Variants in ZYG11B observed in about 807,000 individuals in gnomAD.
ZYG11B encodes the protein zyg-11 family member B, cell cycle regulator.
In ZYG11B, 36 loss-of-function variants were observed where a neutral mutation model predicts 82.4. The observed-to-expected ratio is 0.44, with a 90% confidence interval of 0.33 to 0.58. The LOEUF is 0.58. ZYG11B is among the 20% of genes least tolerant of loss of function. The pLI is 0.02. For missense variants in ZYG11B, 552 were observed against 895.6 expected, an observed-to-expected ratio of 0.62 and a Z score of 4.90; for synonymous variants, 303 against 312.8, an observed-to-expected ratio of 0.97 and a Z score of 0.33.
chr1:52,774,609 A>ATTTTTTTTTTTTTTTTTTTT (rs35043109), intron 3 of ZYG11B, among the ~76,000 whole-genome samples: 3 of 111,148 alleles, frequency 2.7e-5, no homozygotes, highest in African/African-American at 4.9e-5. Flanking sequence ...GCCTGGCCTA[A>ATTTTTTTTTTTTTTTTTTTT]TTTTTTTTTT....
chr1:52,784,908 T>C lies in ZYG11B; in HGVS notation c.1124T>C (p.Met375Thr), dbSNP rs1571777178. The C allele has an allele frequency of 1.2e-6, 2 of 1,613,866 alleles. No individual in the cohort carries two copies. The highest frequency in any genetic ancestry group is 1.7e-6 in the Non-Finnish European group (2 of 1,179,944). ...GTTACTGGGATGAGAAACCACCCTATGAATTTGCCAGTGCAACTGGCTGCA... is the reference window on the plus strand; with the variant it reads ...GTTACTGGGATGAGAAACCACCCTACGAATTTGCCAGTGCAACTGGCTGCA... ...LVVTGMRNHP[M>T]NLPVQLAASA... is the part of the protein sequence containing the mutation. Residue 375 changes from methionine (M) to threonine (T), a missense_variant, in exon 5 of 14, where the codon ATG becomes ACG. Met to Thr is a moderately conservative substitution (Grantham distance 81). Coordinates refer to ENST00000294353, the MANE Select transcript of ZYG11B (RefSeq NM_024646.3).
At chr1:52,761,257 C>G (rs1330298739) in intron 2 of ZYG11B, among the ~76,000 whole-genome samples, 1 of 152,162 alleles carries the variant, frequency 6.6e-6, no homozygotes, top group Non-Finnish European at 1.5e-5. Context: ...CTGTAGTCAT[C>G]ATACAGTGTG....
chr1:52,758,328 T>C (rs904182764), intron 2 of ZYG11B, among the ~76,000 whole-genome samples: 5 of 152,204 alleles, frequency 3.3e-5, no homozygotes, highest in African/African-American at 4.8e-5. Flanking sequence ...TGTCATTTAT[T>C]GAATGCCTAT....
Position 52,776,229 on chromosome 1 carries a change from A to AAAATATAT in ZYG11B, c.952-3623_952-3622insAATATATA. ...AGCAAAACTCTGTCTTAAAAAAAAA[A>AAAATATAT]ATATATATATATATATGCAATAAAG... On this transcript the variant is annotated intron_variant, in intron 3 of 13. Transcript: ENST00000294353. Among the ~76,000 whole-genome samples the AAAATATAT allele has an allele frequency of 2.6e-3, 62 of 23,552 alleles. 7 individuals are homozygous for AAAATATAT. The highest frequency in any genetic ancestry group is 7.4e-3 in the East Asian group (11 of 1,496). The allele number at this position is 23,552 out of a possible 152,430, so 15.5% of individuals were successfully genotyped here.
chr1:52,731,039 G>A (rs756094781), intron 1 of ZYG11B, among the ~76,000 whole-genome samples: 6 of 151,976 alleles, frequency 3.9e-5, no homozygotes, highest in East Asian at 1.9e-4. Flanking sequence ...TTGGGAGGCC[G>A]AGGTGGGTGA....
At chr1:52,811,451 G>A (rs1283911137) in intron 10 of ZYG11B, among the ~76,000 whole-genome samples, 2 of 152,026 alleles carry the variant, frequency 1.3e-5, no homozygotes, top group Non-Finnish European at 2.9e-5. Flanking sequence ...TCTGTGCTTT[G>A]ATTTGGATGG....
chr1:52,814,016 A>G, intron 12 of ZYG11B, 104 bp downstream of exon 12: 1 of 1,019,606 alleles, frequency 9.8e-7, no homozygotes, highest in Non-Finnish European at 1.5e-6. Context: ...GCACCTCAAT[A>G]TTGGTTATTT....
chr1:52,727,035 T>C (rs531251058), intron 1 of ZYG11B, among the ~76,000 whole-genome samples: 13 of 152,164 alleles, frequency 8.5e-5, no homozygotes, highest in African/African-American at 2.6e-4. Context: ...TTTCCTCTTA[T>C]GTGATTTTTA....
intron 8 of ZYG11B, among the ~76,000 whole-genome samples, chr1:52,801,234 ATTATC>A (rs1432193778): frequency 4.6e-5 from 7 of 152,228 alleles, no homozygotes; most frequent in African/African-American, 1.4e-4. Flanking sequence ...GGGAGGGGCT[ATTATC>A]TTATTTATAG....
At chr1:52,799,666 G>A (rs1016618064) in intron 8 of ZYG11B, among the ~76,000 whole-genome samples, 6 of 151,794 alleles carry the variant, frequency 4.0e-5, no homozygotes, top group Admixed American at 2.0e-4. Context: ...GTGGTGGTAC[G>A]CATCTGTAAT....
intron 3 of ZYG11B, among the ~76,000 whole-genome samples, chr1:52,773,242 G>A (rs1644770461): frequency 6.6e-6 from 1 of 151,988 alleles, no homozygotes; most frequent in Admixed American, 6.6e-5. Flanking sequence ...GGGAGGCAGA[G>A]GTGGGCAGGT....
intron 1 of ZYG11B, among the ~76,000 whole-genome samples, chr1:52,732,697 A>G (rs555022301): frequency 6.6e-6 from 1 of 151,932 alleles, no homozygotes; most frequent in African/African-American, 2.4e-5. Flanking sequence ...CCCGGGAGGC[A>G]GAGGTTGCAG....
chr1:52,817,430 C>T (rs1645234498), intron 13 of ZYG11B, among the ~76,000 whole-genome samples: 1 of 151,944 alleles, frequency 6.6e-6, no homozygotes, highest in South Asian at 2.1e-4. Flanking sequence ...CTGTCTCTAT[C>T]ACTGGAGCTG....
intron 1 of ZYG11B, among the ~76,000 whole-genome samples, chr1:52,734,749 A>T (rs1383308447): frequency 6.6e-6 from 1 of 151,106 alleles, no homozygotes; most frequent in African/African-American, 2.4e-5. Flanking sequence ...TTATTTTGAG[A>T]TGGAGTTTCG....
At chr1:52,797,038 TA>T (rs1645020157) in intron 8 of ZYG11B, among the ~76,000 whole-genome samples, 69 of 92,198 alleles carry the variant, frequency 7.5e-4, no homozygotes, top group African/African-American at 3.0e-3. Flanking sequence ...AATTTATATA[TA>T]TAAATTTTTA....
At chr1:52,741,107 G>A (rs1238432861) in intron 1 of ZYG11B, among the ~76,000 whole-genome samples, 1 of 151,484 alleles carries the variant, frequency 6.6e-6, no homozygotes, top group Non-Finnish European at 1.5e-5. Context: ...AGATCAGTCT[G>A]GCCAACATGG....
intron 10 of ZYG11B, among the ~76,000 whole-genome samples, chr1:52,811,869 A>C (rs1251811779): frequency 1.3e-5 from 2 of 152,134 alleles, no homozygotes; most frequent in Non-Finnish European, 2.9e-5. Flanking sequence ...TCTCTACTAA[A>C]AATACAAAAA....
At chr1:52,762,502 C>G (rs970562973) in intron 2 of ZYG11B, among the ~76,000 whole-genome samples, 8 of 151,636 alleles carry the variant, frequency 5.3e-5, no homozygotes, top group African/African-American at 1.9e-4. Context: ...AGCCACCGTG[C>G]CTGGCCTGTG....
At chr1:52,794,524 A>G (rs1466754975) in intron 6 of ZYG11B, among the ~76,000 whole-genome samples, 1 of 152,204 alleles carries the variant, frequency 6.6e-6, no homozygotes, top group Non-Finnish European at 1.5e-5. Flanking sequence ...TGCGTGGCAT[A>G]AAGGGCTAAA....
Sources: allele counts gnomAD v4.1 joint callset (sites outside exome capture counted in the v4.1 genomes callset), GRCh38; gene constraint gnomAD v4.1.1; transcripts MANE v1.5; gene names NCBI Gene and HGNC (gene_info 2026-07-23, HGNC 2026-07-21).